Variants in TTC3 observed in about 807,000 individuals in gnomAD.
TTC3 encodes the protein E3 ubiquitin-protein ligase TTC3.
In TTC3, 180 loss-of-function variants were observed where a neutral mutation model predicts 249.6. That is an observed-to-expected ratio of 0.72 (90% CI 0.64 to 0.82). TTC3 has a LOEUF of 0.82. Among genes scored for constraint, TTC3 ranks in the 40% least tolerant of loss-of-function variants. TTC3 has a pLI of 0.00. For missense variants in TTC3, 2,061 were observed against 2,398.4 expected (o/e 0.86, Z 2.94); for synonymous variants, 717 against 805.0 (o/e 0.89, Z 1.85).
chr21:37,150,050 C>CT, intron 23 of TTC3, 28 bp from the exon 24 acceptor site: 5 of 1,339,448 alleles, frequency 3.7e-6, no homozygotes, highest in South Asian at 1.2e-5. Context: ...TAACATTTTT[C>CT]TTGTTTTTTT....
intron 12 of TTC3, among the ~76,000 whole-genome samples, chr21:37,122,422 ATATATATATATATATTAT>A (rs2076672103): frequency 3.1e-5 from 1 of 31,990 alleles, no homozygotes; most frequent in Non-Finnish European, 7.2e-5. Flanking sequence ...TATATATAAT[ATATATATATATATATTAT>A]ATATATATAT....
chr21:37,160,894 C>G (rs1302102074), intron 30 of TTC3, 36 bp downstream of exon 30: 18 of 1,593,536 alleles, frequency 1.1e-5, no homozygotes, highest in East Asian at 2.2e-5. Flanking sequence ...CTTGTCTAAA[C>G]TCTCCAAAAT....
chr21:37,162,732 G>A (rs1601896675), intron 31 of TTC3, among the ~76,000 whole-genome samples: 1 of 152,062 alleles, frequency 6.6e-6, no homozygotes, highest in East Asian at 1.9e-4. Flanking sequence ...GCCTGTCTTA[G>A]TCAGTTTGGG....
exon 39 of TTC3, chr21:37,188,572 G>A: frequency 6.2e-7 from 1 of 1,614,010 alleles, no homozygotes; most frequent in Non-Finnish European, 8.5e-7. Flanking sequence ...AAGCCTTTCT[G>A]AAGAAGCTGG....
At chr21:37,091,455 A>G in intron 7 of TTC3, 42 bp downstream of exon 7, 1 of 1,555,684 alleles carries the variant, frequency 6.4e-7, no homozygotes, top group Middle Eastern at 1.7e-4. Context: ...CTCAGTTTTT[A>G]AAGGTGTTTG....
intron 15 of TTC3, among the ~76,000 whole-genome samples, chr21:37,127,278 T>C (rs1171230189): frequency 6.6e-6 from 1 of 152,194 alleles, no homozygotes; most frequent in African/African-American, 2.4e-5. Flanking sequence ...AACATGTGAA[T>C]CTTGTCGGGG....
At chr21:37,195,928 G>A (rs1490224537) in exon 42 of TTC3, 8 of 1,614,082 alleles carry the variant, frequency 5.0e-6, no homozygotes, top group African/African-American at 1.3e-5. Flanking sequence ...GTGGCTGATC[G>A]GAAGCAGCCT....
intron 1 of TTC3, among the ~76,000 whole-genome samples, chr21:37,085,406 T>G (rs1326365504): frequency 1.3e-5 from 2 of 152,166 alleles, no homozygotes; most frequent in Non-Finnish European, 2.9e-5. Context: ...TCATTAATGA[T>G]CCTAATGAAA....
chr21:37,195,141 T>C (rs1195982401), intron 41 of TTC3: 3 of 152,376 alleles, frequency 2.0e-5, no homozygotes, highest in Non-Finnish European at 4.4e-5. Context: ...ATTTGCAGAT[T>C]TGGATCTCAG....
At chr21:37,092,757 A>G (rs964871262) in intron 7 of TTC3, among the ~76,000 whole-genome samples, 12 of 152,282 alleles carry the variant, frequency 7.9e-5, no homozygotes, top group African/African-American at 2.9e-4. Context: ...CACTTTAGAA[A>G]TGAATATGTT....
At chr21:37,198,089 C>A in intron 44 of TTC3, 64 bp downstream of exon 44, 1 of 1,503,646 alleles carries the variant, frequency 6.7e-7, no homozygotes, top group Non-Finnish European at 8.9e-7. Context: ...ATTTTTAATC[C>A]ATGATTTAGC....
exon 42 of TTC3, chr21:37,195,986 G>A (rs772752333): frequency 1.1e-5 from 18 of 1,614,064 alleles, no homozygotes; most frequent in African/African-American, 4.0e-5. Context: ...CAAAAAAGCC[G>A]TTCAATAGTA....
chr21:37,086,924 C>T, intron 1 of TTC3: 1 of 223,336 alleles, frequency 4.5e-6, no homozygotes, highest in Non-Finnish European at 8.8e-6. Context: ...GAGAGCTTAC[C>T]ATGTGCTAGG....
At chr21:37,123,849 A>G (rs1035708684) in intron 13 of TTC3, among the ~76,000 whole-genome samples, 2 of 151,730 alleles carry the variant, frequency 1.3e-5, no homozygotes, top group African/African-American at 2.4e-5. Context: ...CCCGGGTTCA[A>G]GCGATTCTCC....
intron 1 of TTC3, among the ~76,000 whole-genome samples, chr21:37,079,209 A>G (rs1568838650): frequency 6.6e-6 from 1 of 152,112 alleles, no homozygotes; most frequent in Non-Finnish European, 1.5e-5. Context: ...TATGGCTAGA[A>G]TCACTTCTCA....
At chr21:37,108,524 G>C in intron 11 of TTC3, 78 bp downstream of exon 11, 1 of 1,378,076 alleles carries the variant, frequency 7.3e-7, no homozygotes, top group Non-Finnish European at 1.0e-6. Context: ...GGGTGTGTTT[G>C]TTCATAAAAA....
At chr21:37,076,976 C>A (rs1215157471) in intron 1 of TTC3, among the ~76,000 whole-genome samples, 4 of 152,124 alleles carry the variant, frequency 2.6e-5, no homozygotes, top group Non-Finnish European at 5.9e-5. Context: ...GCTGGGATTA[C>A]AGGCCACCGC....
chr21:37,116,706 C>G (rs1171040870), intron 11 of TTC3, among the ~76,000 whole-genome samples: 2 of 152,030 alleles, frequency 1.3e-5, no homozygotes, highest in African/African-American at 4.8e-5. Context: ...ACTCAGGAGT[C>G]TGAGGCAGGA....
intron 4 of TTC3, 125 bp downstream of exon 4, chr21:37,088,471 A>C (rs2072810713): frequency 8.1e-7 from 1 of 1,234,382 alleles, no homozygotes; most frequent in South Asian, 1.6e-5. Context: ...TTTGTGTAAT[A>C]GGGTGGAAAA....
Sources: gnomAD v4.1 joint callset for allele counts (sites outside exome capture counted in the v4.1 genomes callset) on GRCh38, gnomAD v4.1.1 for gene constraint, MANE v1.5 for transcripts, NCBI Gene and HGNC (gene_info 2026-07-23, HGNC 2026-07-21) for gene names.